PLCH1: variants seen among roughly 807,000 people sequenced by gnomAD.
The protein encoded by PLCH1 is 1-phosphatidylinositol 4,5-bisphosphate phosphodiesterase eta-1.
Under a neutral mutation model 126.7 loss-of-function variants are expected in PLCH1, and 60 were observed. That is an observed-to-expected ratio of 0.47 (90% CI 0.38 to 0.59). The LOEUF (loss-of-function observed/expected upper bound fraction) is 0.59, where lower values mean the gene tolerates loss of function less well. PLCH1 is among the 20% of genes least tolerant of loss of function. The probability of loss-of-function intolerance (pLI) is 0.00; values close to 1 mark genes in which losing one functional copy is unlikely to be tolerated. For missense variants in PLCH1, 1,723 were observed against 2,040.0 expected (o/e 0.84, Z 2.99); for synonymous variants, 719 against 734.9 (o/e 0.98, Z 0.35).
At chr3:155,726,159 G>A (rs368391496) in intron 1 of PLCH1, among the ~76,000 whole-genome samples, 1 of 151,950 alleles carries the variant, frequency 6.6e-6, no homozygotes, top group South Asian at 2.1e-4. Flanking sequence ...TAGTCAATAC[G>A]TGTTTTAACT....
At chr3:155,523,826 A>G in intron 11 of PLCH1, 71 bp downstream of exon 11, 1 of 850,868 alleles carries the variant, frequency 1.2e-6, no homozygotes. Context: ...CCTCCAACAC[A>G]GTAGCAACTT....
chr3:155,562,550 G>C (rs574883150), intron 8 of PLCH1, among the ~76,000 whole-genome samples: 1 of 152,256 alleles, frequency 6.6e-6, no homozygotes, highest in East Asian at 1.9e-4. Context: ...AAGCAGATGA[G>C]TACTGCTGGG....
intron 2 of PLCH1, among the ~76,000 whole-genome samples, chr3:155,634,045 A>G (rs1021923652): frequency 6.6e-6 from 1 of 152,172 alleles, no homozygotes; most frequent in Non-Finnish European, 1.5e-5. Context: ...CAGCATCAAT[A>G]ACTAAGCCTA....
intron 12 of PLCH1, among the ~76,000 whole-genome samples, chr3:155,505,510 G>T (rs1200195203): frequency 6.6e-6 from 1 of 152,166 alleles, no homozygotes; most frequent in Admixed American, 6.5e-5. Context: ...GAATAAATGT[G>T]GGTGAGAAAA....
chr3:155,565,269 A>T, intron 7 of PLCH1, 151 bp from the exon 8 acceptor site: 1 of 615,402 alleles, frequency 1.6e-6, no homozygotes, highest in Non-Finnish European at 2.9e-6. Flanking sequence ...GCAATGAGAG[A>T]TTTGCTTGAG....
At chr3:155,573,010 T>C (rs998806777) in intron 6 of PLCH1, among the ~76,000 whole-genome samples, 1 of 152,098 alleles carries the variant, frequency 6.6e-6, no homozygotes, top group Admixed American at 6.6e-5. Flanking sequence ...GGCCTCCCAA[T>C]GTGCTGGAAT....
intron 1 of PLCH1, among the ~76,000 whole-genome samples, chr3:155,714,476 G>C (rs529038508): frequency 1.3e-5 from 2 of 152,178 alleles, no homozygotes; most frequent in Non-Finnish European, 2.9e-5. Context: ...GGTTGTTAAA[G>C]GCCTCTGCAA....
chr3:155,529,330 C>T (rs1282986538), intron 10 of PLCH1, among the ~76,000 whole-genome samples: 4 of 152,112 alleles, frequency 2.6e-5, no homozygotes, highest in African/African-American at 9.7e-5. Flanking sequence ...AAAGCAGGAA[C>T]CTTGAACCAC....
At chr3:155,599,313 T>A in intron 2 of PLCH1, among the ~76,000 whole-genome samples, 1 of 150,476 alleles carries the variant, frequency 6.6e-6, no homozygotes, top group Non-Finnish European at 1.5e-5. Context: ...GAGAATAGAG[T>A]AGGCTGGAAT....
At chr3:155,664,487 T>C (rs926021769) in intron 2 of PLCH1, among the ~76,000 whole-genome samples, 7 of 152,226 alleles carry the variant, frequency 4.6e-5, no homozygotes, top group Non-Finnish European at 1.5e-5. Flanking sequence ...GGCTGTGTGG[T>C]CCATACAGCC....
At chr3:155,563,416 G>A (rs1405880954) in intron 8 of PLCH1, among the ~76,000 whole-genome samples, 1 of 152,084 alleles carries the variant, frequency 6.6e-6, no homozygotes, top group Non-Finnish European at 1.5e-5. Flanking sequence ...AGTATGGAGT[G>A]GCACCATCCA....
chr3:155,627,633 CA>C (rs754351073), intron 2 of PLCH1, among the ~76,000 whole-genome samples: 21 of 92,212 alleles, frequency 2.3e-4, no homozygotes, highest in Non-Finnish European at 2.7e-4. Flanking sequence ...GACTCCACCT[CA>C]AAAAAAAAAA....
chr3:155,628,933 A>G (rs954676368), intron 2 of PLCH1, among the ~76,000 whole-genome samples: 3 of 152,232 alleles, frequency 2.0e-5, no homozygotes. Flanking sequence ...CTATCAAAAT[A>G]AAATAATTGT....
intron 1 of PLCH1, among the ~76,000 whole-genome samples, chr3:155,720,920 A>T (rs961674840): frequency 6.6e-6 from 1 of 152,222 alleles, no homozygotes; most frequent in Non-Finnish European, 1.5e-5. Flanking sequence ...AGAAGCATCC[A>T]GTTTCATTCT....
At chr3:155,504,656 T>G in intron 12 of PLCH1, 30 bp from the exon 13 acceptor site, 1 of 1,428,472 alleles carries the variant, frequency 7.0e-7, no homozygotes, top group Non-Finnish European at 9.9e-7. Flanking sequence ...ATATAACTAT[T>G]TATCTTCTTT....
At chr3:155,506,514 C>T (rs867664196) in intron 12 of PLCH1, among the ~76,000 whole-genome samples, 1 of 117,760 alleles carries the variant, frequency 8.5e-6, no homozygotes, top group Non-Finnish European at 1.7e-5. Context: ...CCCCCCACCC[C>T]ACCACAGTCC....
chr3:155,681,907 A>AGTCTTAAG (rs1220125795), intron 2 of PLCH1, among the ~76,000 whole-genome samples: 1 of 152,158 alleles, frequency 6.6e-6, no homozygotes, highest in Non-Finnish European at 1.5e-5. Context: ...ACCCCTGCTT[A>AGTCTTAAG]GTCTTAAGCT....
At chr3:155,531,404 C>T (rs1052458276) in intron 10 of PLCH1, among the ~76,000 whole-genome samples, 4 of 152,226 alleles carry the variant, frequency 2.6e-5, no homozygotes, top group Non-Finnish European at 5.9e-5. Context: ...GCAGGCAAAT[C>T]ACCTGAGGCC....
intron 1 of PLCH1, among the ~76,000 whole-genome samples, chr3:155,708,429 T>C (rs1055134935): frequency 2.7e-4 from 41 of 152,270 alleles, no homozygotes; most frequent in Admixed American, 2.1e-3. Context: ...TCTCATGGTG[T>C]AGCCAGAAGG....
Sources: gnomAD v4.1 joint callset for allele counts (sites outside exome capture counted in the v4.1 genomes callset) on GRCh38, gnomAD v4.1.1 for gene constraint, MANE v1.5 for transcripts, NCBI Gene and HGNC (gene_info 2026-07-23, HGNC 2026-07-21) for gene names.